R3HDM1: variants seen among roughly 807,000 people sequenced by gnomAD.
The protein encoded by R3HDM1 is R3H domain containing 1, also known as R3H domain-containing protein 1.
Under a neutral mutation model 141.1 loss-of-function variants are expected in R3HDM1, and 46 were observed. That is an observed-to-expected ratio of 0.33 (90% CI 0.26 to 0.42). The LOEUF (loss-of-function observed/expected upper bound fraction) is 0.42, where lower values mean the gene tolerates loss of function less well. Ranked by LOEUF, R3HDM1 falls within the 10% of genes least tolerant of loss-of-function variation. The probability of loss-of-function intolerance (pLI) is 1.00; values close to 1 mark genes in which losing one functional copy is unlikely to be tolerated. For synonymous variants in R3HDM1, 435 were observed against 472.9 expected (o/e 0.92, Z 1.04); for missense variants, 1,184 against 1,368.3 (o/e 0.87, Z 2.12).
chr2:135,683,421 G>T (rs1325334815), intron 21 of R3HDM1, among the ~76,000 whole-genome samples: 1 of 151,948 alleles, frequency 6.6e-6, no homozygotes, highest in African/African-American at 2.4e-5. Context: ...GGGCGCGGTG[G>T]TGGGTGCCTG....
At chr2:135,568,564 G>GGT (rs1300118814) in intron 1 of R3HDM1, among the ~76,000 whole-genome samples, 2 of 151,786 alleles carry the variant, frequency 1.3e-5, no homozygotes, top group Non-Finnish European at 2.9e-5. Flanking sequence ...TGGCCAGGCT[G>GGT]GTCTCGAACT....
intron 6 of R3HDM1, chr2:135,622,439 T>C: frequency 1.0e-6 from 1 of 984,334 alleles, no homozygotes; most frequent in Non-Finnish European, 1.2e-6. Context: ...AGAATGTGCG[T>C]GGATATGCAG....
At chr2:135,595,004 G>T (rs187384519) in intron 1 of R3HDM1, among the ~76,000 whole-genome samples, 18 of 148,056 alleles carry the variant, frequency 1.2e-4, no homozygotes, top group African/African-American at 4.1e-4. Context: ...ATGAAGGCTT[G>T]TGGGCAACTT....
intron 5 of R3HDM1, among the ~76,000 whole-genome samples, chr2:135,618,463 ATT>A (rs755774961): frequency 0.13 from 15,683 of 123,938 alleles, 1,219 homozygotes; most frequent in South Asian, 0.3. Context: ...CGCCCGGCTG[ATT>A]TTTTTTTTTT....
At chr2:135,651,567 A>AT (rs910185159) in intron 17 of R3HDM1, 163 bp from the exon 18 acceptor site, 5 of 945,064 alleles carry the variant, frequency 5.3e-6, no homozygotes, top group Middle Eastern at 1.1e-3. Context: ...TAGAGTTGTC[A>AT]TTTTTTTGAA....
intron 1 of R3HDM1, among the ~76,000 whole-genome samples, chr2:135,539,159 T>C (rs1312943221): frequency 6.6e-6 from 1 of 152,178 alleles, no homozygotes; most frequent in Non-Finnish European, 1.5e-5. Flanking sequence ...CTGAGCTGTT[T>C]GACAGTTAAC....
chr2:135,583,666 T>C, intron 1 of R3HDM1: 1 of 903,368 alleles, frequency 1.1e-6, no homozygotes, highest in South Asian at 5.1e-5. Flanking sequence ...AGATGGCCCT[T>C]GGCTATAGTA....
chr2:135,536,562 A>T (rs923776626), intron 1 of R3HDM1: 1 of 922,322 alleles, frequency 1.1e-6, no homozygotes, highest in African/African-American at 1.8e-5. Context: ...TAGAGAAAAT[A>T]AACTACATTT....
At chr2:135,532,868 C>A (rs1049753038) in intron 1 of R3HDM1, among the ~76,000 whole-genome samples, 2 of 152,192 alleles carry the variant, frequency 1.3e-5, no homozygotes, top group African/African-American at 4.8e-5. Context: ...AAATACCACT[C>A]TGCTTTTATG....
At chr2:135,615,578 T>C (rs1397222579) in intron 3 of R3HDM1, among the ~76,000 whole-genome samples, 1 of 152,174 alleles carries the variant, frequency 6.6e-6, no homozygotes, top group Non-Finnish European at 1.5e-5. Flanking sequence ...AGTCTGCCCT[T>C]TTTTCTTCCT....
chr2:135,685,777 A>G (rs2071225545), intron 21 of R3HDM1, among the ~76,000 whole-genome samples: 1 of 152,234 alleles, frequency 6.6e-6, no homozygotes, highest in Non-Finnish European at 1.5e-5. Flanking sequence ...ATATGGTTAG[A>G]AAAATGGGCT....
intron 7 of R3HDM1, among the ~76,000 whole-genome samples, chr2:135,626,285 A>G (rs556555529): frequency 6.6e-6 from 1 of 151,722 alleles, no homozygotes; most frequent in East Asian, 1.9e-4. Flanking sequence ...TGGGTCACAG[A>G]AGTCTTCTCT....
intron 1 of R3HDM1, among the ~76,000 whole-genome samples, chr2:135,573,667 A>G (rs577313632): frequency 6.6e-6 from 1 of 152,054 alleles, no homozygotes; most frequent in South Asian, 2.1e-4. Flanking sequence ...ACATAAGAAG[A>G]GGAGAAGCAC....
At chr2:135,679,944 G>A (rs1005316037) in intron 20 of R3HDM1, among the ~76,000 whole-genome samples, 1 of 152,114 alleles carries the variant, frequency 6.6e-6, no homozygotes, top group Non-Finnish European at 1.5e-5. Flanking sequence ...GCCAGGCATG[G>A]TAGCGCATGC....
chr2:135,571,728 G>C (rs555186612), intron 1 of R3HDM1, among the ~76,000 whole-genome samples: 15 of 152,234 alleles, frequency 9.9e-5, no homozygotes, highest in African/African-American at 3.6e-4. Context: ...TGGGGCTCTA[G>C]CGATCCTTTC....
chr2:135,643,974 T>C (rs1283393057), intron 15 of R3HDM1, among the ~76,000 whole-genome samples: 1 of 151,446 alleles, frequency 6.6e-6, no homozygotes, highest in African/African-American at 2.4e-5. Context: ...AGGTGGAGGG[T>C]GGGAGGAAGG....
At position 135,721,930 on chromosome 2, in the gene R3HDM1, C is replaced by G. The variant is rs2076735446; in HGVS notation, c.2888C>G (p.Ser963Cys). The change falls in exon 25 of 27, where the codon TCC becomes TGC. Residue 963 changes from serine to cysteine, a missense_variant. By Grantham distance (112) the Ser-to-Cys change is moderately radical. Around this residue, in one of 5 missense-constraint regions of R3HDM1, gnomAD observed 182 missense variants for 252.6 expected, o/e 0.72. Transcript: ENST00000683871. ...SRPFVPGQGD[S>C]RYPLLGQPLQ... ...ATATTTTATTGACTTTCAGGAGATT[C>G]CAGGTATCCATTACTTGGCCAGCCA... 1.2e-6 allele frequency: 2 copies of G among 1,612,770 alleles called. No individual in the cohort carries two copies. The highest frequency in any genetic ancestry group is 1.7e-6 in the Non-Finnish European group (2 of 1,178,938).
chr2:135,573,380 A>C lies in R3HDM1; in HGVS notation c.-249-29120A>C, dbSNP rs548131485. ...AAGAGAGCACTCACCAGATCCTGGC[A>C]TGTGATCTCTTCATACTCCCATTCA... On this transcript the variant is annotated intron_variant, in intron 1 of 26. Coordinates refer to ENST00000683871, the MANE Select transcript of R3HDM1 (RefSeq NM_001378107.1). Among the ~76,000 whole-genome samples, 33 of 152,314 alleles carry C rather than the reference A, an allele frequency of 2.2e-4. No individual in the cohort carries two copies. In the South Asian group the frequency reaches 5.8e-3, roughly 27 times the overall value.
At chr2:135,594,977 A>C (rs866818096) in intron 1 of R3HDM1, among the ~76,000 whole-genome samples, 268 of 139,308 alleles carry the variant, frequency 1.9e-3, no homozygotes, top group African/African-American at 4.2e-3. Flanking sequence ...GGGATTCTAC[A>C]CCCCCCCCCC....
Sources: gnomAD v4.1 joint callset for allele counts (sites outside exome capture counted in the v4.1 genomes callset) on GRCh38, gnomAD v4.1.1 for gene constraint, gnomAD v4.1.1 regional missense constraint, MANE v1.5 for transcripts, NCBI Gene and HGNC (gene_info 2026-07-23, HGNC 2026-07-21) for gene names.